PFKFB2: variants seen among roughly 807,000 people sequenced by gnomAD.
PFKFB2 encodes the protein 6-phosphofructo-2-kinase/fructose-2,6-bisphosphatase 2.
PFKFB2 carries 53 observed loss-of-function variants against 68.0 expected under a neutral mutation model. The observed-to-expected ratio is 0.78, with a 90% confidence interval of 0.63 to 0.98. PFKFB2 has a LOEUF of 0.98. PFKFB2 is among the 50% of genes least tolerant of loss of function. PFKFB2 has a pLI of 0.00. For missense variants in PFKFB2, 451 were observed against 642.0 expected, an observed-to-expected ratio of 0.70 and a Z score of 3.22; for synonymous variants, 222 against 227.6, an observed-to-expected ratio of 0.98 and a Z score of 0.22.
chr1:207,041,308 T>C lies in PFKFB2; in HGVS notation c.-61-861T>C, dbSNP rs919503964. On this transcript the variant is annotated intron_variant, in intron 1 of 5. Coordinates refer to the PFKFB2 transcript ENST00000545806. ...TGCAGTTTTGTTACATAGGTATACA[T>C]GTGCCATGGTGGTTTGCTGCACCCA... is the stretch of plus-strand genomic sequence containing the variant. Among the ~76,000 whole-genome samples the C allele has an allele frequency of 5.3e-5, 8 of 152,078 alleles. No individual in the cohort carries two copies. In the East Asian group the frequency reaches 1.4e-3, roughly 26 times the overall value.
In PFKFB2 at chr1:207,067,537, G is replaced by A. The variant is rs369332885; in HGVS notation, c.671G>A (p.Arg224Gln). The change falls in exon 9 of 15, where the codon CGA becomes CAA. Residue 224 changes from arginine (R) to glutamine (Q), a missense_variant. Physicochemically the swap from Arg to Gln is conservative, Grantham distance 43 (BLOSUM62 1). Coordinates refer to ENST00000367080, the MANE Select transcript of PFKFB2 (RefSeq NM_006212.2). The stretch of plus-strand genomic sequence containing the variant: ...ATCAAGGTGATAAACGTGGGCCAGC[G>A]ATTTTTAGTCAACAGAGTCCAGGAC... ...SFIKVINVGQ[R>Q]FLVNRVQDYI... The A allele has an allele frequency of 8.1e-6, 13 of 1,613,788 alleles. No individual in the cohort carries two copies. Among genetic ancestry groups the A allele is most frequent in the African/African-American group, 1.3e-5 (1 of 74,818 alleles).
At chr1:207,067,844 G>C (rs1683340829) in intron 9 of PFKFB2, 138 bp downstream of exon 9, 1 of 746,662 alleles carries the variant, frequency 1.3e-6, no homozygotes, top group African/African-American at 1.7e-5. Context: ...TGCTCAAGGT[G>C]TGTTCTTGCT....
Position 207,073,651 on chromosome 1 carries a change from G to A in PFKFB2, c.*1280G>A, listed in dbSNP as rs1181857175. On this transcript the variant is annotated 3_prime_UTR_variant, in exon 15 of 15. Coordinates refer to ENST00000367080, the MANE Select transcript of PFKFB2 (RefSeq NM_006212.2). ...CTATCTCATCTTGATGTCCAGAGAA[G>A]TCCTTGGAACCCTGTGGGATCTAGC... The A allele has an allele frequency of 2.0e-6, 2 of 983,620 alleles. No individual in the cohort carries two copies. The highest frequency in any genetic ancestry group is 6.1e-5 in the Admixed American group (1 of 16,264). 60.9% of individuals were successfully genotyped at this position (983,620 alleles called of 1,614,324 possible). A position where few individuals can be genotyped will look rare whatever the true frequency, so the allele number is the denominator to read the frequency against.
Position 207,065,047 on chromosome 1 carries a change from A to C in PFKFB2, c.519A>C (p.Val173=). 6.2e-7 allele frequency: 1 copy of C among 1,613,962 alleles called. No individual in the cohort carries two copies. Among genetic ancestry groups the C allele is most frequent in the Non-Finnish European group, 8.5e-7 (1 of 1,179,928 alleles). Residue 173 remains valine (V), a synonymous_variant, in exon 8 of 15, where the codon GTA becomes GTC. Transcript: ENST00000367080. The part of the protein sequence containing the change: ...VIAANILEVK[V]SSPDYPERNR... Reference sequence around the variant, plus strand: ...TCCTATGATTTCAGGAGGTTAAGGTATCAAGCCCTGACTATCCTGAAAGGA... The same window carrying C: ...TCCTATGATTTCAGGAGGTTAAGGTCTCAAGCCCTGACTATCCTGAAAGGA...
chr1:207,076,256 T>C lies in PFKFB2; in HGVS notation c.*3885T>C, dbSNP rs182694371. On this transcript the variant is annotated 3_prime_UTR_variant, in exon 15 of 15. Transcript: ENST00000367080. The stretch of plus-strand genomic sequence containing the variant: ...CATCTATGTTACTTTTTTTTTCTTT[T>C]TTTTTTTTTTTTATGAGCAGGAGAT... 7.5e-4 allele frequency: 676 copies of C among 899,568 alleles called. 1 individual carries two copies. The African/African-American group carries it at 0.011, about 15-fold the overall frequency. The allele number at this position is 899,568 out of a possible 1,614,324, so 55.7% of individuals were successfully genotyped here. A position where few individuals can be genotyped will look rare whatever the true frequency, so the allele number is the denominator to read the frequency against.
At chr1:207,078,212 A>G (rs1308038077), downstream of PFKFB2, among the ~76,000 whole-genome samples, 1 of 152,216 alleles carries the variant, frequency 6.6e-6, no homozygotes, top group Admixed American at 6.5e-5. Flanking sequence ...GCCCATTTCT[A>G]AAGAGATTAT....
chr1:207,049,091 C>G (rs1178098053), upstream of PFKFB2: 1 of 1,613,928 alleles, frequency 6.2e-7, no homozygotes, highest in Admixed American at 1.7e-5. Context: ...CCAGTTAATC[C>G]TTTCTGACAT....
chr1:207,076,788 TGATA>T lies in PFKFB2; in HGVS notation c.*4424_*4427del, dbSNP rs1365249777. On this transcript the variant is annotated 3_prime_UTR_variant, in exon 15 of 15. Transcript: ENST00000367080. Reference sequence around the variant, plus strand: ...ACTGTAGTAGTGTCTGTGTGCTGACTGATAGATAGACTATAGTAAAATTTGGGTG... The same window carrying T: ...ACTGTAGTAGTGTCTGTGTGCTGACTGATAGACTATAGTAAAATTTGGGTG... 4 of 977,496 alleles carry T rather than the reference TGATA, an allele frequency of 4.1e-6. No individual in the cohort carries two copies. Among genetic ancestry groups the T allele is most frequent in the Non-Finnish European group, 4.8e-6 (4 of 826,782 alleles). 60.6% of individuals were successfully genotyped at this position (977,496 alleles called of 1,614,324 possible). A position where few individuals can be genotyped will look rare whatever the true frequency, so the allele number is the denominator to read the frequency against.
chr1:207,057,170 G>A (rs565100508), intron 2 of PFKFB2, among the ~76,000 whole-genome samples: 2 of 152,024 alleles, frequency 1.3e-5, no homozygotes, highest in South Asian at 2.1e-4. Context: ...ATGGAGGGCC[G>A]GGTGTGGTGG....
Position 207,063,664 on chromosome 1 carries a change from A to G in PFKFB2, c.451-109A>G. 1.0e-6 allele frequency: 1 copy of G among 958,330 alleles called. No homozygotes were observed. Among genetic ancestry groups the G allele is most frequent in the East Asian group, 2.4e-5 (1 of 41,964 alleles). 59.4% of individuals were successfully genotyped at this position (958,330 alleles called of 1,614,324 possible). A position where few individuals can be genotyped will look rare whatever the true frequency, so the allele number is the denominator to read the frequency against. On this transcript the variant is annotated intron_variant, in intron 6 of 14. Coordinates refer to ENST00000367080, the MANE Select transcript of PFKFB2 (RefSeq NM_006212.2). The surrounding 1 kb of genome is among the most constrained non-coding windows in gnomAD (Gnocchi z 4.1). ...GGAGGACTTGAGGGCCACTTTCATG[A>G]AGAAAATCCTGGGAGATGTGGTGGC... is the stretch of plus-strand genomic sequence containing the variant.
chr1:207,062,568 G>T, intron 3 of PFKFB2, 52 bp from the exon 4 acceptor site: 4 of 1,593,816 alleles, frequency 2.5e-6, no homozygotes, highest in Non-Finnish European at 3.4e-6. Flanking sequence ...AGTCCCATTT[G>T]GTGGGGCCAT....
At chr1:207,039,979 G>A (rs1682446645) in intron 1 of PFKFB2, among the ~76,000 whole-genome samples, 1 of 152,192 alleles carries the variant, frequency 6.6e-6, no homozygotes, top group Admixed American at 6.5e-5. Flanking sequence ...ACAGGCATCA[G>A]AGTTCAGGGT....
intron 8 of PFKFB2, 163 bp downstream of exon 8, chr1:207,065,323 G>A: frequency 3.0e-6 from 3 of 983,750 alleles, no homozygotes; most frequent in Non-Finnish European, 3.6e-6. Flanking sequence ...TATGTGGATT[G>A]CATCTTGTAC....
rs749367877 is a variant in PFKFB2 at position 207,077,165 on chromosome 1, A to G, written c.*4794A>G. The G allele has an allele frequency of 1.5e-5, 15 of 982,354 alleles. No individual in the cohort carries two copies. Among genetic ancestry groups the G allele is most frequent in the Non-Finnish European group, 1.8e-5 (15 of 829,890 alleles). 60.9% of individuals were successfully genotyped at this position (982,354 alleles called of 1,614,324 possible). On this transcript the variant is annotated 3_prime_UTR_variant, in exon 15 of 15. Coordinates refer to ENST00000367080, the MANE Select transcript of PFKFB2 (RefSeq NM_006212.2). ...CTCATCCAGTCCCCTGCTTTAGGGCAGGACTTCAGTTCCACTGTTCATTTC... is the reference window on the plus strand; with the variant it reads ...CTCATCCAGTCCCCTGCTTTAGGGCGGGACTTCAGTTCCACTGTTCATTTC...
At chr1:207,061,926 G>A (rs765599803) in intron 2 of PFKFB2, 27 bp from the exon 3 acceptor site, 37 of 1,603,520 alleles carry the variant, frequency 2.3e-5, no homozygotes, top group Non-Finnish European at 2.6e-5. Flanking sequence ...TAGTCATTTC[G>A]TTTTATTTTG....
intron 2 of PFKFB2, among the ~76,000 whole-genome samples, chr1:207,055,641 T>TTATATATATATATATATATA (rs34590725): frequency 6.8e-6 from 1 of 147,586 alleles, no homozygotes; most frequent in African/African-American, 2.5e-5. Flanking sequence ...ACTTCAGTGG[T>TTATATATATATATATATATA]TATATATATA....
At chr1:207,050,778 C>T (rs568508283), upstream of PFKFB2, 29 of 1,613,320 alleles carry the variant, frequency 1.8e-5, 1 homozygote, top group South Asian at 3.1e-4. Context: ...CGCTGACCGC[C>T]GGGGGCGATC....
chr1:207,072,647 G>A lies in PFKFB2; in HGVS notation c.*276G>A. On this transcript the variant is annotated 3_prime_UTR_variant, in exon 15 of 15. Transcript: ENST00000367080. Reference sequence around the variant, plus strand: ...TCAGATGGGATGATCTGGAGGAGGAGGAAAAAGATACACTCCCTTGGGGCT... The same window carrying A: ...TCAGATGGGATGATCTGGAGGAGGAAGAAAAAGATACACTCCCTTGGGGCT... The A allele has an allele frequency of 8.3e-7, 1 of 1,210,240 alleles. No homozygotes were observed. The highest frequency in any genetic ancestry group is 1.0e-6 in the Non-Finnish European group (1 of 969,952). The allele number at this position is 1,210,240 out of a possible 1,614,324, so 75.0% of individuals were successfully genotyped here.
intron 1 of PFKFB2, among the ~76,000 whole-genome samples, chr1:207,035,914 C>T (rs1189421433): frequency 6.6e-6 from 1 of 152,112 alleles, no homozygotes; most frequent in African/African-American, 2.4e-5. Context: ...GCTATAATGA[C>T]TCATTATTAA....
Sources: gnomAD v4.1 joint callset for allele counts (sites outside exome capture counted in the v4.1 genomes callset) on GRCh38, gnomAD v4.1.1 for gene constraint, Gnocchi (gnomAD v3.1) non-coding constraint, MANE v1.5 for transcripts, NCBI Gene and HGNC (gene_info 2026-07-23, HGNC 2026-07-21) for gene names.